Variants in PTPRD observed in about 807,000 individuals in gnomAD.
The protein encoded by PTPRD is protein tyrosine phosphatase receptor type D.
Under a neutral mutation model 214.5 loss-of-function variants are expected in PTPRD, and 34 were observed. The ratio of observed to expected loss-of-function variants is 0.16; its 90% CI spans 0.12 to 0.21. PTPRD has a LOEUF of 0.21. PTPRD is among the 10% of genes least tolerant of loss of function. The pLI is 1.00. For synonymous variants in PTPRD, 1,128 were observed against 845.7 expected (o/e 1.33, Z -5.79); for missense variants, 2,545 against 2,398.7 (o/e 1.06, Z -1.27).
intron 11 of PTPRD, among the ~76,000 whole-genome samples, chr9:8,998,643 C>T (rs995563993): frequency 6.6e-6 from 1 of 152,028 alleles, no homozygotes; most frequent in Admixed American, 6.6e-5. Context: ...GAAGTAATAT[C>T]AACACTTAAG....
At chr9:8,892,781 C>A (rs2098553200) in intron 11 of PTPRD, among the ~76,000 whole-genome samples, 1 of 150,640 alleles carries the variant, frequency 6.6e-6, no homozygotes, top group Non-Finnish European at 1.5e-5. Flanking sequence ...AAGAAAGAAC[C>A]ACTAGTTCCA....
At chr9:8,356,849 A>C (rs1483558253) in intron 39 of PTPRD, among the ~76,000 whole-genome samples, 1 of 152,214 alleles carries the variant, frequency 6.6e-6, no homozygotes, top group Non-Finnish European at 1.5e-5. Context: ...CTGATCAAGT[A>C]ATGTATCCAA....
At chr9:8,526,789 A>G in intron 16 of PTPRD, 145 bp from the exon 17 acceptor site, 1 of 596,102 alleles carries the variant, frequency 1.7e-6, no homozygotes, top group Non-Finnish European at 2.8e-6. Context: ...CTATATTGGT[A>G]AAACAGGAAT....
In PTPRD at chr9:8,485,897, G is replaced by C. The variant is rs765439647; in HGVS notation, c.2920C>G (p.Pro974Ala). Reference sequence around the variant, plus strand: ...GTGAGTGTCATAGTGGTGTCAGCTGGAACAATAAGCTGCTCCATCGGGAGA... The same window carrying C: ...GTGAGTGTCATAGTGGTGTCAGCTGCAACAATAAGCTGCTCCATCGGGAGA... ...PLLPMEQLIV[P>A]ADTTMTLTGL... The change falls in exon 28 of 46, where the codon CCA becomes GCA. Residue 974 changes from proline to alanine, a missense_variant. Coordinates refer to ENST00000381196, the MANE Select transcript of PTPRD (RefSeq NM_002839.4). The C allele has an allele frequency of 6.2e-7, 1 of 1,614,136 alleles. No homozygotes were observed. Among genetic ancestry groups the C allele is most frequent in the East Asian group, 2.2e-5 (1 of 44,860 alleles).
At chr9:9,613,065 G>C (rs2094602164) in intron 7 of PTPRD, among the ~76,000 whole-genome samples, 1 of 130,966 alleles carries the variant, frequency 7.6e-6, no homozygotes, top group South Asian at 2.4e-4. Flanking sequence ...TCTGAACAAA[G>C]TCTCATGATG....
chr9:9,446,284 T>A (rs370904782), intron 8 of PTPRD, among the ~76,000 whole-genome samples: 2 of 152,142 alleles, frequency 1.3e-5, no homozygotes, highest in Admixed American at 1.3e-4. Context: ...TCCTCCCAAG[T>A]GTTGAGGATT....
At chr9:9,891,374 C>T (rs1470941046) in intron 5 of PTPRD, among the ~76,000 whole-genome samples, 1 of 141,996 alleles carries the variant, frequency 7.0e-6, no homozygotes, top group African/African-American at 2.6e-5. Flanking sequence ...AAAACATACA[C>T]TTTTTTTTTT....
In PTPRD at chr9:8,317,856, A is replaced by T. The variant is rs1208743344; in HGVS notation, c.*18T>A. ...ATTGAAGGGCCTGTAGTAAAAATCC[A>T]GAATGGGTCAGGGGTTTCTACGTTG... is the stretch of plus-strand genomic sequence containing the variant. On this transcript the variant is annotated 3_prime_UTR_variant, in exon 46 of 46. Coordinates refer to ENST00000381196, the MANE Select transcript of PTPRD (RefSeq NM_002839.4). 1 of 1,611,266 alleles carries T rather than the reference A, an allele frequency of 6.2e-7. No homozygotes were observed. Among genetic ancestry groups the T allele is most frequent in the South Asian group, 1.1e-5 (1 of 91,004 alleles).
chr9:10,375,335 C>A (rs1047923849), intron 2 of PTPRD, among the ~76,000 whole-genome samples: 8 of 151,882 alleles, frequency 5.3e-5, no homozygotes, highest in Admixed American at 1.3e-4. Context: ...AAGTCTGATC[C>A]TTTTATTTCT....
intron 14 of PTPRD, among the ~76,000 whole-genome samples, chr9:8,537,808 T>C (rs1267406656): frequency 6.6e-6 from 1 of 152,022 alleles, no homozygotes; most frequent in Admixed American, 6.6e-5. Context: ...CATGCAATCA[T>C]CCTACAAATT....
rs1161416337 is a variant in PTPRD at position 8,660,129 on chromosome 9, C to G, written c.65-23285G>C. On this transcript the variant is annotated intron_variant, in intron 12 of 45. Coordinates refer to ENST00000381196, the MANE Select transcript of PTPRD (RefSeq NM_002839.4). ...ATTATTTTCCCAAAAAGCAAACATA[C>G]CCACCTCAGTTTCCCCAAATATTAA... is the stretch of plus-strand genomic sequence containing the variant. Among the ~76,000 whole-genome samples the G allele has an allele frequency of 2.0e-5, 3 of 152,134 alleles. No homozygotes were observed. In the East Asian group the frequency reaches 5.8e-4, roughly 29 times the overall value.
At chr9:10,278,737 T>C (rs1456401946) in intron 3 of PTPRD, among the ~76,000 whole-genome samples, 1 of 152,108 alleles carries the variant, frequency 6.6e-6, no homozygotes, top group East Asian at 1.9e-4. Flanking sequence ...TAAACTTACA[T>C]CTTATCTTCA....
chr9:8,702,499 G>C (rs1318737087), intron 12 of PTPRD, among the ~76,000 whole-genome samples: 1 of 152,112 alleles, frequency 6.6e-6, no homozygotes, highest in Non-Finnish European at 1.5e-5. Flanking sequence ...GTTTTGAAGA[G>C]ATAAAAATAA....
intron 8 of PTPRD, among the ~76,000 whole-genome samples, chr9:9,404,433 C>G (rs1417897137): frequency 6.6e-6 from 1 of 151,774 alleles, no homozygotes; most frequent in Non-Finnish European, 1.5e-5. Context: ...ACAAGACTTG[C>G]CAATGGATTA....
At chr9:8,929,257 G>C (rs371629337) in intron 11 of PTPRD, among the ~76,000 whole-genome samples, 2 of 152,206 alleles carry the variant, frequency 1.3e-5, no homozygotes, top group South Asian at 2.1e-4. Flanking sequence ...GGGCATCCTT[G>C]TCTTGTGCCG....
chr9:10,269,409 A>C (rs2094293507), intron 3 of PTPRD, among the ~76,000 whole-genome samples: 1 of 152,194 alleles, frequency 6.6e-6, no homozygotes, highest in Non-Finnish European at 1.5e-5. Flanking sequence ...ATATATGTGC[A>C]TGTGTAAGTT....
chr9:9,969,201 C>A (rs960651496), intron 4 of PTPRD, among the ~76,000 whole-genome samples: 1 of 152,088 alleles, frequency 6.6e-6, no homozygotes, highest in Non-Finnish European at 1.5e-5. Context: ...ATTTAGCGAT[C>A]AAAGAATTAC....
chr9:9,961,647 C>G (rs1004093531), intron 4 of PTPRD, among the ~76,000 whole-genome samples: 6 of 152,066 alleles, frequency 3.9e-5, no homozygotes, highest in African/African-American at 7.2e-5. Context: ...AATGTTATGA[C>G]AGAGTGTGGG....
chr9:10,032,097 G>C (rs768964407), intron 4 of PTPRD, among the ~76,000 whole-genome samples: 1 of 152,150 alleles, frequency 6.6e-6, no homozygotes, highest in Non-Finnish European at 1.5e-5. Context: ...GAAGGAGTAG[G>C]AATGGGAAGA....
Sources: gnomAD v4.1 joint callset for allele counts (sites outside exome capture counted in the v4.1 genomes callset) on GRCh38, gnomAD v4.1.1 for gene constraint, MANE v1.5 for transcripts, NCBI Gene and HGNC (gene_info 2026-07-23, HGNC 2026-07-21) for gene names.